PLXNC1: variants seen among roughly 807,000 people sequenced by gnomAD.
PLXNC1 encodes the protein plexin-C1.
A neutral mutation model predicts 178.2 loss-of-function variants in PLXNC1; 75 were observed. The ratio of observed to expected loss-of-function variants is 0.42; its 90% CI spans 0.35 to 0.51. The LOEUF (loss-of-function observed/expected upper bound fraction) is 0.51. PLXNC1 is among the 20% of genes least tolerant of loss of function. The pLI, the probability that PLXNC1 is intolerant of heterozygous loss-of-function variation, is 0.02. For missense variants in PLXNC1, 1,503 were observed against 1,984.4 expected (o/e 0.76, Z 4.61); for synonymous variants, 790 against 779.9 (o/e 1.01, Z -0.22).
At chr12:94,301,542 C>T (rs1314483083) in intron 28 of PLXNC1, among the ~76,000 whole-genome samples, 1 of 152,150 alleles carries the variant, frequency 6.6e-6, no homozygotes, top group Non-Finnish European at 1.5e-5. Context: ...GTTTTCTTTG[C>T]TGATCAATAG....
rs142162321 is a variant in PLXNC1, at chr12:94,180,324, A to C, written c.1204-1122A>C. Reference sequence around the variant, plus strand: ...AGAACATGTTTCATTCAAGTATGAAAATAACTCATCTCCTGCAAGTCTAAA... The same window carrying C: ...AGAACATGTTTCATTCAAGTATGAACATAACTCATCTCCTGCAAGTCTAAA... On this transcript the variant is annotated intron_variant, in intron 2 of 30. Transcript: ENST00000258526. Among the ~76,000 whole-genome samples the C allele has an allele frequency of 2.5e-3, 384 of 152,326 alleles. 1 individual carries two copies. The highest frequency in any genetic ancestry group is 9.0e-3 in the African/African-American group (372 of 41,554).
chr12:94,181,743 T>C (rs976260724), intron 3 of PLXNC1, among the ~76,000 whole-genome samples, 163 bp downstream of exon 3: 1 of 152,196 alleles, frequency 6.6e-6, no homozygotes, highest in Non-Finnish European at 1.5e-5. Flanking sequence ...TTAAAAACCT[T>C]ACTGACTGTC....
intron 4 of PLXNC1, among the ~76,000 whole-genome samples, chr12:94,193,505 G>A (rs1425276654): frequency 6.6e-6 from 1 of 152,170 alleles, no homozygotes; most frequent in African/African-American, 2.4e-5. Context: ...TCTCAAGGTG[G>A]CCACTGTTTT....
At chr12:94,181,770 A>C (rs571595407) in intron 3 of PLXNC1, among the ~76,000 whole-genome samples, 190 bp downstream of exon 3, 1 of 152,272 alleles carries the variant, frequency 6.6e-6, no homozygotes, top group South Asian at 2.1e-4. Flanking sequence ...TAAGCAAGAA[A>C]TATTATCTAT....
chr12:94,298,311 C>T (rs1968131346), intron 26 of PLXNC1, among the ~76,000 whole-genome samples: 1 of 152,172 alleles, frequency 6.6e-6, no homozygotes, highest in South Asian at 2.1e-4. Context: ...GCCAAATATC[C>T]ATGGCTTCCT....
intron 5 of PLXNC1, among the ~76,000 whole-genome samples, chr12:94,210,063 C>G (rs969030215): frequency 6.6e-6 from 1 of 151,274 alleles, no homozygotes; most frequent in African/African-American, 2.4e-5. Flanking sequence ...GATTCATGGT[C>G]AACGAGATAC....
Position 94,149,699 on chromosome 12 carries a change from G to T in PLXNC1, c.728G>T (p.Ser243Ile), listed in dbSNP as rs1310914637. 1 of 1,611,910 alleles carries T rather than the reference G, an allele frequency of 6.2e-7. No individual in the cohort carries two copies. The change falls in exon 1 of 31, where the codon AGC (serine) becomes ATC (isoleucine). Residue 243 changes from serine (S) to isoleucine (I), a missense_variant. By Grantham distance (142) the Ser-to-Ile change is moderately radical (BLOSUM62 -2). Coordinates refer to ENST00000258526, the MANE Select transcript of PLXNC1 (RefSeq NM_005761.3). ...GTGGACGCCTTTCTCTGGAACGGCA[G>T]CATCTACTTCCCCTACTACCCCTAC... ...HFVDAFLWNG[S>I]IYFPYYPYNY...
chr12:94,218,162 A>G (rs1358074553), intron 5 of PLXNC1, among the ~76,000 whole-genome samples: 1 of 152,230 alleles, frequency 6.6e-6, no homozygotes, highest in East Asian at 1.9e-4. Context: ...GCATTTGTTG[A>G]AGATGAGTTA....
intron 20 of PLXNC1, among the ~76,000 whole-genome samples, chr12:94,263,873 G>A (rs1052761652): frequency 2.0e-5 from 3 of 152,112 alleles, no homozygotes; most frequent in Non-Finnish European, 4.4e-5. Context: ...AGATATTCCT[G>A]CAGCAAGTAT....
At chr12:94,194,519 C>T (rs1035181885) in intron 4 of PLXNC1, among the ~76,000 whole-genome samples, 3 of 152,094 alleles carry the variant, frequency 2.0e-5, no homozygotes, top group Non-Finnish European at 4.4e-5. Context: ...TTTGGGAGGC[C>T]GAGTTGGGTG....
At chr12:94,246,103 G>A (rs1191289268) in intron 12 of PLXNC1, among the ~76,000 whole-genome samples, 1 of 152,234 alleles carries the variant, frequency 6.6e-6, no homozygotes, top group Admixed American at 6.5e-5. Flanking sequence ...GAAAAGAAGA[G>A]AGTGTCCAAC....
In PLXNC1 at chr12:94,206,170, G is replaced by A. The variant is rs561280585; in HGVS notation, c.1440-3420G>A. 7.2e-5 allele frequency among the ~76,000 whole-genome samples: 11 copies of A among 152,182 alleles called. 1 individual carries two copies. Among genetic ancestry groups the A allele is most frequent in the African/African-American group, 2.6e-4 (11 of 41,524 alleles). On this transcript the variant is annotated intron_variant, in intron 4 of 30. Transcript: ENST00000258526. The stretch of plus-strand genomic sequence containing the variant: ...AGGAAGCAAACCCACTGTATATAAA[G>A]ACTTTCTAAGTTTTCAAACAGTGAA...
rs1351958980 is a variant in PLXNC1 at position 94,251,628 on chromosome 12, T to C, written c.2881+100T>C. On this transcript the variant is annotated intron_variant, in intron 15 of 30. Transcript: ENST00000258526. ...TCAGGGGCTGTTTGCTTCAATTAAG[T>C]ATAAATGGGTGAAAGCCCAAATCAA... 6.6e-6 allele frequency: 5 copies of C among 756,926 alleles called. No homozygotes were observed. In the African/African-American group the frequency reaches 6.9e-5, roughly 10 times the overall value. 46.9% of individuals were successfully genotyped at this position (756,926 alleles called of 1,614,324 possible). A position where few individuals can be genotyped will look rare whatever the true frequency, so the allele number is the denominator to read the frequency against.
chr12:94,205,985 C>T (rs1428702099), intron 4 of PLXNC1, among the ~76,000 whole-genome samples: 1 of 152,204 alleles, frequency 6.6e-6, no homozygotes, highest in Non-Finnish European at 1.5e-5. Flanking sequence ...TACTGTACTT[C>T]TCTGAGCTTC....
intron 23 of PLXNC1, among the ~76,000 whole-genome samples, chr12:94,289,934 A>G (rs934452286): frequency 2.6e-5 from 4 of 152,240 alleles, no homozygotes; most frequent in African/African-American, 9.6e-5. Flanking sequence ...TTTCCTTGGT[A>G]CAAGCTGTGT....
intron 1 of PLXNC1, among the ~76,000 whole-genome samples, chr12:94,167,004 A>T (rs924259311): frequency 1.3e-5 from 2 of 151,920 alleles, no homozygotes; most frequent in East Asian, 1.9e-4. Context: ...GCCTCAAGCG[A>T]TCCTCTCGCC....
At chr12:94,255,071 C>T in intron 16 of PLXNC1, 122 bp from the exon 17 acceptor site, 1 of 933,190 alleles carries the variant, frequency 1.1e-6, no homozygotes, top group Non-Finnish European at 1.7e-6. Context: ...CCAACCAAGT[C>T]ATTATCTATT....
At chr12:94,233,104 C>A (rs1318696551) in intron 9 of PLXNC1, among the ~76,000 whole-genome samples, 1 of 152,176 alleles carries the variant, frequency 6.6e-6, no homozygotes, top group Admixed American at 6.5e-5. Flanking sequence ...GACCTCCAAC[C>A]TGGCCAGGAT....
chr12:94,263,169 C>A (rs1965048212), intron 20 of PLXNC1, among the ~76,000 whole-genome samples: 1 of 152,178 alleles, frequency 6.6e-6, no homozygotes, highest in Admixed American at 6.5e-5. Context: ...TTCCCCAAAT[C>A]AGCCACACAT....
Sources: gnomAD v4.1 joint callset for allele counts (sites outside exome capture counted in the v4.1 genomes callset) on GRCh38, gnomAD v4.1.1 for gene constraint, MANE v1.5 for transcripts, NCBI Gene and HGNC (gene_info 2026-07-23, HGNC 2026-07-21) for gene names.